CPXM2: variants seen among roughly 807,000 people sequenced by gnomAD.
CPXM2 encodes the protein carboxypeptidase X, M14 family member 2.
CPXM2 carries 66 observed loss-of-function variants against 86.1 expected under a neutral mutation model. The observed-to-expected ratio is 0.77, with a 90% confidence interval of 0.63 to 0.94. The LOEUF is 0.94. Ranked by LOEUF, CPXM2 falls within the 40% of genes least tolerant of loss-of-function variation. The probability of loss-of-function intolerance (pLI) is 0.00; values close to 1 mark genes in which losing one functional copy is unlikely to be tolerated. For synonymous variants in CPXM2, 388 were observed against 400.2 expected, an observed-to-expected ratio of 0.97 and a Z score of 0.36; for missense variants, 948 against 1,026.3, an observed-to-expected ratio of 0.92 and a Z score of 1.04.
chr10:123,916,764 T>TTC (rs151227779), intron 2 of CPXM2, among the ~76,000 whole-genome samples: 5 of 138,332 alleles, frequency 3.6e-5, no homozygotes, highest in African/African-American at 1.0e-4. Context: ...TGCCATTTGA[T>TTC]TCTCTCTCTC....
intron 4 of CPXM2, among the ~76,000 whole-genome samples, chr10:123,802,115 G>A (rs1399393739): frequency 2.0e-5 from 3 of 152,180 alleles, no homozygotes; most frequent in Admixed American, 2.0e-4. Flanking sequence ...GAAGGGACAG[G>A]GGAGCAGAGG....
At chr10:123,795,481 A>G (rs1268981260) in intron 6 of CPXM2, among the ~76,000 whole-genome samples, 1 of 152,126 alleles carries the variant, frequency 6.6e-6, no homozygotes, top group Non-Finnish European at 1.5e-5. Flanking sequence ...GAGGCCTGGA[A>G]AGTGCAGACT....
chr10:123,920,265 T>C (rs537775084), intron 2 of CPXM2, among the ~76,000 whole-genome samples: 78 of 152,292 alleles, frequency 5.1e-4, no homozygotes, highest in African/African-American at 1.9e-3. Context: ...AAAGACATAA[T>C]TCCTATATCT....
At chr10:123,836,517 TACC>T (rs1848284797) in intron 4 of CPXM2, among the ~76,000 whole-genome samples, 1 of 152,148 alleles carries the variant, frequency 6.6e-6, no homozygotes, top group African/African-American at 2.4e-5. Flanking sequence ...CTGGTGAACA[TACC>T]ACCAAGCGTG....
chr10:123,791,921 G>A (rs2134053788), intron 6 of CPXM2, among the ~76,000 whole-genome samples: 1 of 152,350 alleles, frequency 6.6e-6, no homozygotes, highest in Middle Eastern at 3.4e-3. Flanking sequence ...ACAGTGAGCA[G>A]TGGGCTTCTT....
upstream of CPXM2, among the ~76,000 whole-genome samples, chr10:123,895,825 T>G (rs1196916775): frequency 6.6e-6 from 1 of 152,204 alleles, no homozygotes; most frequent in Non-Finnish European, 1.5e-5. Flanking sequence ...TCCCCCCCAG[T>G]TTCTGAGTTC....
intron 2 of CPXM2, among the ~76,000 whole-genome samples, chr10:123,902,294 C>T (rs550786786): frequency 1.3e-5 from 2 of 152,286 alleles, no homozygotes; most frequent in South Asian, 2.1e-4. Flanking sequence ...ACTCTTCCCA[C>T]GCTAGCTGGA....
chr10:123,810,751 A>G (rs748755003), intron 4 of CPXM2, among the ~76,000 whole-genome samples: 1 of 152,192 alleles, frequency 6.6e-6, no homozygotes, highest in Non-Finnish European at 1.5e-5. Flanking sequence ...AAATGTGTCA[A>G]TTCTTTCCAA....
intron 1 of CPXM2, among the ~76,000 whole-genome samples, chr10:123,882,306 G>A (rs1945105966): frequency 6.6e-6 from 1 of 152,192 alleles, no homozygotes; most frequent in Non-Finnish European, 1.5e-5. Context: ...AAGGCCAGAG[G>A]AGGAAGGCAA....
chr10:123,919,635 A>C (rs914283622), intron 2 of CPXM2, among the ~76,000 whole-genome samples: 1 of 152,268 alleles, frequency 6.6e-6, no homozygotes. Context: ...GTCCCTAGAG[A>C]GGCACAATAA....
intron 13 of CPXM2, chr10:123,750,662 G>T (rs10794564): frequency 1.0e-6 from 1 of 973,012 alleles, no homozygotes; most frequent in Non-Finnish European, 1.2e-6. Flanking sequence ...TTTGCTCACC[G>T]CAGTATTTCT....
intron 13 of CPXM2, chr10:123,752,058 C>A (rs1369405646): frequency 1.0e-6 from 1 of 985,360 alleles, no homozygotes; most frequent in Non-Finnish European, 1.2e-6. Flanking sequence ...ACTAAATAGT[C>A]AAGGAATGTT....
At chr10:123,812,926 G>A (rs190496297) in intron 4 of CPXM2, among the ~76,000 whole-genome samples, 45 of 152,198 alleles carry the variant, frequency 3.0e-4, no homozygotes, top group Admixed American at 1.0e-3. Context: ...TTAGTTGCAT[G>A]GCAGGTTCAT....
chr10:123,932,246 T>A (rs1047432671), intron 2 of CPXM2, among the ~76,000 whole-genome samples: 1 of 152,160 alleles, frequency 6.6e-6, no homozygotes, highest in Non-Finnish European at 1.5e-5. Context: ...TAGGGTGGTA[T>A]TGGGCTGCTC....
chr10:123,823,919 G>A (rs1400172302), intron 4 of CPXM2, among the ~76,000 whole-genome samples: 1 of 152,158 alleles, frequency 6.6e-6, no homozygotes, highest in Non-Finnish European at 1.5e-5. Context: ...GGGCCACCAT[G>A]TTTTATTAAA....
chr10:123,913,880 C>A, intron 2 of CPXM2: 1 of 405,332 alleles, frequency 2.5e-6, no homozygotes, highest in Non-Finnish European at 5.0e-6. Flanking sequence ...AGGAGGCACC[C>A]CCCTCCCAGG....
At position 123,807,796 on chromosome 10, in the gene CPXM2, T is replaced by G. The variant is rs71504506; in HGVS notation, c.654-8597A>C. ...GGCTCAGAAGACTGAAGCTATAATG[T>G]CACTGTTTCCTGGTCTTCTAATCTT... On this transcript the variant is annotated intron_variant, in intron 4 of 13. Transcript: ENST00000241305. 5.2e-3 allele frequency among the ~76,000 whole-genome samples: 794 copies of G among 152,324 alleles called. 1 individual carries two copies. The highest frequency in any genetic ancestry group is 8.6e-3 in the Non-Finnish European group (585 of 68,016).
upstream of CPXM2, among the ~76,000 whole-genome samples, chr10:123,941,633 T>C (rs191900059): frequency 1.8e-4 from 27 of 152,358 alleles, no homozygotes; most frequent in Admixed American, 1.0e-3. Flanking sequence ...TGTTAAAACA[T>C]TGTTTTTATG....
chr10:123,889,147 T>C (rs561725042), intron 1 of CPXM2, among the ~76,000 whole-genome samples: 1 of 152,214 alleles, frequency 6.6e-6, no homozygotes. Context: ...CACTTCCCCA[T>C]GTAACCCCTG....
Sources: allele counts gnomAD v4.1 joint callset (sites outside exome capture counted in the v4.1 genomes callset), GRCh38; gene constraint gnomAD v4.1.1; transcripts MANE v1.5; gene names NCBI Gene and HGNC (gene_info 2026-07-23, HGNC 2026-07-21).